The following TNS3 variants were observed in gnomAD, a reference collection of about 807,000 sequenced individuals.
TNS3 encodes tensin 3, also known as tensin-3.
In TNS3, 45 loss-of-function variants were observed where a neutral mutation model predicts 140.9. That is an observed-to-expected ratio of 0.32 (90% CI 0.25 to 0.41). The LOEUF is 0.41. TNS3 is among the 10% of genes least tolerant of loss of function. TNS3 has a pLI of 1.00. For missense variants in TNS3, 1,716 were observed against 1,906.7 expected (o/e 0.90, Z 1.86); for synonymous variants, 815 against 788.4 (o/e 1.03, Z -0.56).
intron 20 of TNS3, among the ~76,000 whole-genome samples, chr7:47,337,190 C>T (rs532166532): frequency 6.6e-6 from 1 of 152,330 alleles, no homozygotes; most frequent in Admixed American, 6.5e-5. Flanking sequence ...CTCTATTCCT[C>T]GGTCATAAAT....
chr7:47,389,061 A>T (rs1470787702), intron 16 of TNS3, among the ~76,000 whole-genome samples: 4 of 71,926 alleles, frequency 5.6e-5, no homozygotes, highest in African/African-American at 2.7e-4. Context: ...GAAGAAGAAG[A>T]AGAAGAAGAA....
intron 23 of TNS3, among the ~76,000 whole-genome samples, chr7:47,299,549 G>C (rs1364254245): frequency 6.6e-6 from 1 of 152,160 alleles, no homozygotes; most frequent in Non-Finnish European, 1.5e-5. Context: ...CTTCTCTGTG[G>C]TAAATAAAGT....
intron 28 of TNS3, among the ~76,000 whole-genome samples, chr7:47,281,581 G>A (rs1785146200): frequency 6.6e-6 from 1 of 152,232 alleles, no homozygotes; most frequent in African/African-American, 2.4e-5. Flanking sequence ...TGCCTTTTAA[G>A]GCTGATTGTT....
chr7:47,302,128 G>C (rs1786438889), intron 23 of TNS3, 58 bp downstream of exon 23: 3 of 1,426,528 alleles, frequency 2.1e-6, no homozygotes, highest in Non-Finnish European at 2.0e-6. Flanking sequence ...CTTCACACAA[G>C]GCAGCGAAGC....
intron 1 of TNS3, among the ~76,000 whole-genome samples, chr7:47,580,335 C>A (rs1784497082): frequency 6.6e-6 from 1 of 152,214 alleles, no homozygotes; most frequent in Non-Finnish European, 1.5e-5. Flanking sequence ...AATCCCAACT[C>A]CCTCCAAGGA....
chr7:47,369,128 G>A lies in TNS3; in HGVS notation c.1518C>T (p.His506=), dbSNP rs1790898511. The part of the protein sequence containing the change: ...LSSSEGPQSA[H]LGPFTCHKSS... ...TCTTGTGGCAGGTGAAGGGACCCAG[G>A]TGGGCCGACTGAGGCCCTTCCGAGG... is the stretch of plus-strand genomic sequence containing the variant. The change falls in exon 17 of 31, where the codon CAC becomes CAT. Residue 506 remains histidine, a synonymous_variant. Coordinates refer to ENST00000311160, the MANE Select transcript of TNS3 (RefSeq NM_022748.12). 5 of 1,613,922 alleles carry A rather than the reference G, an allele frequency of 3.1e-6. No homozygotes were observed. Among genetic ancestry groups the A allele is most frequent in the Middle Eastern group, 1.6e-4 (1 of 6,062 alleles).
intron 4 of TNS3, among the ~76,000 whole-genome samples, chr7:47,444,349 T>C (rs1305498105): frequency 6.6e-6 from 1 of 152,212 alleles, no homozygotes; most frequent in Non-Finnish European, 1.5e-5. Context: ...AAGTGGGCTG[T>C]CGCTTCAGAC....
chr7:47,398,912 T>C (rs993472014), intron 15 of TNS3, among the ~76,000 whole-genome samples: 12 of 152,110 alleles, frequency 7.9e-5, no homozygotes, highest in Middle Eastern at 3.4e-3. Context: ...TATGATCATA[T>C]ACCTAGAAAA....
chr7:47,334,542 G>C (rs1305653786), intron 20 of TNS3, among the ~76,000 whole-genome samples: 1 of 150,130 alleles, frequency 6.7e-6, no homozygotes, highest in Non-Finnish European at 1.5e-5. Flanking sequence ...TTTATGTTAT[G>C]TGTTTATATT....
intron 16 of TNS3, among the ~76,000 whole-genome samples, chr7:47,375,327 C>T (rs1463899450): frequency 6.6e-6 from 1 of 152,230 alleles, no homozygotes; most frequent in Non-Finnish European, 1.5e-5. Context: ...CCAAGGGAGG[C>T]TGTCCACTGT....
At chr7:47,552,593 T>C (rs750499353) in intron 1 of TNS3, among the ~76,000 whole-genome samples, 9 of 152,234 alleles carry the variant, frequency 5.9e-5, no homozygotes, top group Non-Finnish European at 1.3e-4. Flanking sequence ...TTGATGTTAC[T>C]ATTGTAATTG....
intron 2 of TNS3, among the ~76,000 whole-genome samples, chr7:47,518,576 C>T (rs1276595467): frequency 3.3e-5 from 5 of 152,296 alleles, no homozygotes; most frequent in Admixed American, 1.3e-4. Context: ...CGCCTGAATT[C>T]CCAGCACTTT....
intron 1 of TNS3, among the ~76,000 whole-genome samples, chr7:47,555,036 AG>A (rs2151988498): frequency 6.6e-6 from 1 of 152,184 alleles, no homozygotes; most frequent in Admixed American, 6.5e-5. Context: ...CAAAAAAAAA[AG>A]AATGGAATCT....
At chr7:47,308,479 G>A (rs959751207) in intron 20 of TNS3, among the ~76,000 whole-genome samples, 15 of 152,046 alleles carry the variant, frequency 9.9e-5, no homozygotes, top group African/African-American at 3.1e-4. Context: ...TAACTATATT[G>A]CTATTTTCAG....
chr7:47,571,810 G>A (rs1047657660), intron 1 of TNS3, among the ~76,000 whole-genome samples: 2 of 152,198 alleles, frequency 1.3e-5, no homozygotes, highest in Non-Finnish European at 2.9e-5. Flanking sequence ...GGCATTAAGC[G>A]GCCCAGTGCG....
At chr7:47,356,026 C>T (rs972985704) in intron 17 of TNS3, among the ~76,000 whole-genome samples, 10 of 152,194 alleles carry the variant, frequency 6.6e-5, no homozygotes, top group African/African-American at 2.4e-4. Context: ...TGGAAGGCAG[C>T]CCATGGGGTC....
At chr7:47,516,229 A>G (rs989778592) in intron 2 of TNS3, among the ~76,000 whole-genome samples, 1 of 152,230 alleles carries the variant, frequency 6.6e-6, no homozygotes, top group Non-Finnish European at 1.5e-5. Flanking sequence ...CCTAGAGATT[A>G]ACTACTCTAA....
intron 6 of TNS3, among the ~76,000 whole-genome samples, chr7:47,437,785 C>T (rs1046655705): frequency 5.7e-5 from 7 of 121,984 alleles, no homozygotes; most frequent in African/African-American, 1.8e-4. Context: ...CACACACACA[C>T]GTATAAAATA....
chr7:47,572,517 G>A (rs1426118829), intron 1 of TNS3, among the ~76,000 whole-genome samples: 1 of 149,782 alleles, frequency 6.7e-6, no homozygotes, highest in Non-Finnish European at 1.5e-5. Flanking sequence ...TAAAAGCACA[G>A]TATGCTCTCG....
Sources: allele counts gnomAD v4.1 joint callset (sites outside exome capture counted in the v4.1 genomes callset), GRCh38; gene constraint gnomAD v4.1.1; transcripts MANE v1.5; gene names NCBI Gene and HGNC (gene_info 2026-07-23, HGNC 2026-07-21).